DHX57: variants seen among roughly 807,000 people sequenced by gnomAD.
DHX57 encodes DExH-box helicase 57.
Under a neutral mutation model 156.2 loss-of-function variants are expected in DHX57, and 105 were observed. The observed-to-expected ratio is 0.67, with a 90% CI of 0.57 to 0.79. DHX57 has a LOEUF of 0.79. DHX57 is among the 30% of genes least tolerant of loss of function. DHX57 has a pLI of 0.00. For synonymous variants in DHX57, 704 were observed against 595.6 expected (o/e 1.18, Z -2.65); for missense variants, 1,847 against 1,661.9 (o/e 1.11, Z -1.94).
intron 11 of DHX57, among the ~76,000 whole-genome samples, chr2:38,844,885 G>C (rs908101224): frequency 4.6e-5 from 7 of 152,136 alleles, no homozygotes; most frequent in Non-Finnish European, 1.0e-4. Context: ...TTAAATATTG[G>C]CTGGGGTCAG....
At chr2:38,838,691 C>T in intron 12 of DHX57, 1 of 429,456 alleles carries the variant, frequency 2.3e-6, no homozygotes, top group South Asian at 1.7e-5. Flanking sequence ...GGACAGAGAC[C>T]CCAGCTTTCA....
chr2:38,800,835 A>G (rs1669647258), intron 23 of DHX57, among the ~76,000 whole-genome samples: 2 of 152,326 alleles, frequency 1.3e-5, no homozygotes, highest in South Asian at 4.1e-4. Flanking sequence ...GGTAGCCACT[A>G]GTCACAAGTG....
At position 38,863,619 on chromosome 2, in the gene DHX57, T is replaced by A. The variant is rs973938860; in HGVS notation, c.225-100A>T. On this transcript the variant is annotated intron_variant, in intron 2 of 23. Transcript: ENST00000457308. The stretch of plus-strand genomic sequence containing the variant: ...GATATACACAATACAAACTGGATTG[T>A]CAAGTATCTTACAAAAGATGACAAT... 7 of 1,073,818 alleles carry A rather than the reference T, an allele frequency of 6.5e-6. No homozygotes were observed. The Admixed American group carries it at 1.7e-4, about 27-fold the overall frequency. 66.5% of individuals were successfully genotyped at this position (1,073,818 alleles called of 1,614,324 possible).
At position 38,861,810 on chromosome 2, in the gene DHX57, T is replaced by G. The variant is rs1440387785; in HGVS notation, c.600A>C (p.Gln200His). ...CTCCATCACACATCCTCAGGACCGC[T>G]TGACAGCGTTCAGTATTGAAACCAT... Reference protein sequence around the residue: ...SRYGFNTERCQAVLRMCDGDV... With the variant: ...SRYGFNTERCHAVLRMCDGDV... The change falls in exon 5 of 24, where the codon CAA (glutamine) becomes CAC (histidine). Residue 200 changes from glutamine (Q) to histidine (H), a missense_variant. By Grantham distance (24) the Gln-to-His change is conservative. Transcript: ENST00000457308. 2 of 1,611,112 alleles carry G rather than the reference T, an allele frequency of 1.2e-6. No homozygotes were observed. Among genetic ancestry groups the G allele is most frequent in the East Asian group, 2.2e-5 (1 of 44,848 alleles).
rs368734922 is a variant in DHX57 at position 38,856,429 on chromosome 2, C to T, written c.1620G>A (p.Glu540=). The T allele has an allele frequency of 1.6e-5, 26 of 1,613,696 alleles. No individual in the cohort carries two copies. In the African/African-American group the frequency reaches 3.1e-4, roughly 19 times the overall value. The stretch of plus-strand genomic sequence containing the variant: ...CTTCCCAAGCAGGGAGTGATTGCCT[C>T]TCTTGCAGAATGGACTGGAACTGTC... ...ASRQFQSILQ[E]RQSLPAWEER... The change falls in exon 7 of 24, where the codon GAG becomes GAA. Residue 540 remains glutamate (E), a synonymous_variant. Transcript: ENST00000457308.
At chr2:38,817,403 C>G (rs759698689) in intron 19 of DHX57, among the ~76,000 whole-genome samples, 1 of 152,172 alleles carries the variant, frequency 6.6e-6, no homozygotes, top group Non-Finnish European at 1.5e-5. Context: ...AAACCTTCAT[C>G]TCCTGGGTTC....
chr2:38,827,890 C>G (rs1671183684), intron 14 of DHX57, among the ~76,000 whole-genome samples: 1 of 152,056 alleles, frequency 6.6e-6, no homozygotes, highest in Non-Finnish European at 1.5e-5. Context: ...GAGTTTCACT[C>G]TTGTTGCCCG....
chr2:38,870,730 T>G (rs1665313510), intron 1 of DHX57, among the ~76,000 whole-genome samples: 1 of 151,824 alleles, frequency 6.6e-6, no homozygotes, highest in South Asian at 2.1e-4. Context: ...ATACAAAAAA[T>G]TAGCTGGGTG....
At chr2:38,875,530 C>A (rs992040878) in intron 1 of DHX57, among the ~76,000 whole-genome samples, 2 of 152,146 alleles carry the variant, frequency 1.3e-5, no homozygotes, top group Admixed American at 6.6e-5. Context: ...ACGCCCCGCC[C>A]CCCCCGGCCC....
intron 13 of DHX57, among the ~76,000 whole-genome samples, chr2:38,837,075 C>T (rs1671715032): frequency 6.6e-6 from 1 of 152,080 alleles, no homozygotes; most frequent in African/African-American, 2.4e-5. Flanking sequence ...TCTCAAACTC[C>T]TGGACTCAAA....
intron 22 of DHX57, among the ~76,000 whole-genome samples, chr2:38,804,531 A>G (rs1050944328): frequency 5.3e-5 from 8 of 152,038 alleles, no homozygotes; most frequent in African/African-American, 1.7e-4. Flanking sequence ...AACAAAAACA[A>G]TAAGTCCAAT....
Position 38,798,346 on chromosome 2 carries a change from C to T in DHX57, c.4114G>A (p.Gly1372Arg). ...ACAATTGTGCTGATGATCCGGGATC[C>T]TCGAGGACACGTACACAGATCAATG... ...PSIDLCTCPR[G>R]SRIISTIVKL... Residue 1372 changes from glycine (G) to arginine (R), a missense_variant, in exon 24 of 24, where the codon GGA (glycine) becomes AGA (arginine). Gly to Arg is a moderately radical substitution (Grantham distance 125, BLOSUM62 -2). Transcript: ENST00000457308. The T allele has an allele frequency of 6.2e-7, 1 of 1,613,920 alleles. No individual in the cohort carries two copies. The highest frequency in any genetic ancestry group is 1.7e-4 in the Middle Eastern group (1 of 6,060).
At position 38,828,378 on chromosome 2, in the gene DHX57, T is replaced by C. The variant is rs1227396435; in HGVS notation, c.2601A>G (p.Leu867=). The C allele has an allele frequency of 3.1e-6, 5 of 1,613,650 alleles. No individual in the cohort carries two copies. The highest frequency in any genetic ancestry group is 1.3e-5 in the African/African-American group (1 of 75,016). ...LAEIKMLYEQ[L]QSNSLFNNRR... ...TGTTGTTGAAAAGAGAATTAGACTGTAGCTGTTCATAAAGCATTTTGATTT... is the reference window on the plus strand; with the variant it reads ...TGTTGTTGAAAAGAGAATTAGACTGCAGCTGTTCATAAAGCATTTTGATTT... The change falls in exon 14 of 24, where the codon CTA becomes CTG. Residue 867 remains leucine (L), a synonymous_variant. Transcript: ENST00000457308.
chr2:38,820,747 T>C (rs1670767789), intron 17 of DHX57, among the ~76,000 whole-genome samples: 1 of 151,876 alleles, frequency 6.6e-6, no homozygotes, highest in Non-Finnish European at 1.5e-5. Context: ...CGATGACATA[T>C]AACATTAAAA....
chr2:38,865,706 C>T (rs1288437328), intron 2 of DHX57, among the ~76,000 whole-genome samples: 1 of 152,176 alleles, frequency 6.6e-6, no homozygotes, highest in African/African-American at 2.4e-5. Flanking sequence ...TGTCCCAGGG[C>T]TCAAACATCA....
intron 1 of DHX57, among the ~76,000 whole-genome samples, chr2:38,871,339 A>T (rs1219053215): frequency 6.6e-6 from 1 of 152,178 alleles, no homozygotes; most frequent in Non-Finnish European, 1.5e-5. Flanking sequence ...GTGGGAGCGT[A>T]ATTGTGCTGT....
At chr2:38,812,841 C>CTTGTTTGTTTGTTTGTTTGT (rs71693783) in intron 21 of DHX57, among the ~76,000 whole-genome samples, 31 of 132,708 alleles carry the variant, frequency 2.3e-4, no homozygotes, top group African/African-American at 4.0e-4. Context: ...CCCTTATTTA[C>CTTGTTTGTTTGTTTGTTTGT]TTGTTTGTTT....
At chr2:38,847,850 G>A (rs983810027) in intron 10 of DHX57, among the ~76,000 whole-genome samples, 3 of 151,996 alleles carry the variant, frequency 2.0e-5, no homozygotes, top group Non-Finnish European at 2.9e-5. Context: ...TTGGGAGGCC[G>A]AGGCGGGCAG....
chr2:38,838,694 A>C, intron 12 of DHX57: 1 of 432,768 alleles, frequency 2.3e-6, no homozygotes, highest in South Asian at 1.7e-5. Flanking sequence ...CAGAGACCCC[A>C]GCTTTCACCA....
Sources: allele counts gnomAD v4.1 joint callset (sites outside exome capture counted in the v4.1 genomes callset), GRCh38; gene constraint gnomAD v4.1.1; transcripts MANE v1.5; gene names NCBI Gene and HGNC (gene_info 2026-07-23, HGNC 2026-07-21).